Variants in EPDR1 observed in about 807,000 individuals in gnomAD.
The protein encoded by EPDR1 is ependymin related 1.
A neutral mutation model predicts 23.7 loss-of-function variants in EPDR1; 27 were observed. The observed-to-expected ratio is 1.14, with a 90% CI of 0.84 to 1.57. The LOEUF is 1.57. Ranked by LOEUF, EPDR1 falls within the 40% of genes most tolerant of loss-of-function variation. The probability of loss-of-function intolerance (pLI) is 0.00; values close to 1 mark genes in which losing one functional copy is unlikely to be tolerated. For missense variants in EPDR1, 349 were observed against 290.4 expected (o/e 1.20, Z -1.47); for synonymous variants, 137 against 118.2 (o/e 1.16, Z -1.03).
At chr7:37,922,673 G>GGGT (rs1554372876) in intron 1 of EPDR1, among the ~76,000 whole-genome samples, 1 of 150,524 alleles carries the variant, frequency 6.6e-6, no homozygotes, top group Admixed American at 6.6e-5. Flanking sequence ...GCTAGGGGGG[G>GGGT]GTTCTGACGC....
intron 1 of EPDR1, among the ~76,000 whole-genome samples, chr7:37,941,848 T>C (rs1268663019): frequency 6.6e-6 from 1 of 152,172 alleles, no homozygotes; most frequent in African/African-American, 2.4e-5. Context: ...TACAGTCCTA[T>C]TGTGACCATG....
At chr7:37,925,410 G>A (rs988638192) in intron 1 of EPDR1, among the ~76,000 whole-genome samples, 2 of 152,192 alleles carry the variant, frequency 1.3e-5, no homozygotes, top group African/African-American at 2.4e-5. Flanking sequence ...AGTCGTACAT[G>A]TTCTATTAAG....
intron 1 of EPDR1, among the ~76,000 whole-genome samples, chr7:37,942,949 C>T (rs1440154606): frequency 2.0e-5 from 3 of 152,162 alleles, no homozygotes; most frequent in Non-Finnish European, 4.4e-5. Flanking sequence ...ATCCTTTGTC[C>T]CATATGGTGA....
intron 1 of EPDR1, among the ~76,000 whole-genome samples, chr7:37,943,259 G>A (rs1432370932): frequency 6.6e-6 from 1 of 152,226 alleles, no homozygotes; most frequent in East Asian, 1.9e-4. Flanking sequence ...GGGCGTTGGT[G>A]CCTCTCATCT....
intron 1 of EPDR1, among the ~76,000 whole-genome samples, chr7:37,944,253 AT>A (rs978798322): frequency 7.2e-4 from 109 of 152,172 alleles, no homozygotes; most frequent in Non-Finnish European, 1.6e-4. Flanking sequence ...ATCCTATTCC[AT>A]TTGCGTTTTG....
At chr7:37,939,649 T>C (rs1014548228) in intron 1 of EPDR1, among the ~76,000 whole-genome samples, 3 of 152,226 alleles carry the variant, frequency 2.0e-5, no homozygotes, top group Non-Finnish European at 4.4e-5. Context: ...AATCCATGCA[T>C]AGTTTTTTCA....
rs554711071 is a variant in EPDR1 at position 37,921,129 on chromosome 7, C to G, written c.190C>G (p.Arg64Gly). Residue 64 changes from arginine (R) to glycine (G), a missense_variant, in exon 1 of 3, where the codon CGC becomes GGC. Transcript: ENST00000199448. ...CCAGCAAAGTAGCGGGCGCAACAGC[C>G]GCGCCCTGCTCTCCTACGACGGGCT... ...MYQQSSGRNS[R>G]ALLSYDGLNQ... is the part of the protein sequence containing the mutation. 6.3e-6 allele frequency: 10 copies of G among 1,595,564 alleles called. No individual in the cohort carries two copies. In the East Asian group the frequency reaches 2.2e-4, roughly 36 times the overall value.
At position 37,921,001 on chromosome 7, in the gene EPDR1, G is replaced by A. The variant is rs1323057400; in HGVS notation, c.62G>A (p.Gly21Asp). 2.6e-6 allele frequency: 4 copies of A among 1,526,128 alleles called. No homozygotes were observed. Among genetic ancestry groups the A allele is most frequent in the Admixed American group, 4.2e-5 (2 of 48,152 alleles). 94.5% of individuals were successfully genotyped at this position (1,526,128 alleles called of 1,614,324 possible). The change falls in exon 1 of 3, where the codon GGC becomes GAC. Residue 21 changes from glycine to aspartate, a missense_variant. Coordinates refer to ENST00000199448, the MANE Select transcript of EPDR1 (RefSeq NM_017549.5). ...PGALGAWLLGGLWAWTLCGLC... is the reference protein window; with the variant it reads ...PGALGAWLLGDLWAWTLCGLC... ...GCCCTGGGTGCCTGGCTGCTGGGCG[G>A]CCTCTGGGCCTGGACCCTGTGCGGC...
intron 1 of EPDR1, chr7:37,921,416 C>CG: frequency 7.2e-7 from 1 of 1,391,422 alleles, no homozygotes; most frequent in Non-Finnish European, 9.3e-7. Flanking sequence ...GGCCTGCTGG[C>CG]GGGGGACTCA....
intron 1 of EPDR1, among the ~76,000 whole-genome samples, chr7:37,930,310 G>A (rs1200734507): frequency 6.6e-6 from 1 of 152,216 alleles, no homozygotes; most frequent in Admixed American, 6.5e-5. Flanking sequence ...AGTGGCAGAT[G>A]GGAAGCCGGT....
intron 1 of EPDR1, among the ~76,000 whole-genome samples, chr7:37,947,245 T>A (rs1050095024): frequency 6.6e-5 from 10 of 152,242 alleles, no homozygotes; most frequent in African/African-American, 2.4e-4. Flanking sequence ...TACCATTGTG[T>A]TACAGTTGCC....
intron 1 of EPDR1, among the ~76,000 whole-genome samples, chr7:37,923,671 A>AT (rs879813760): frequency 2.7e-4 from 40 of 148,034 alleles, no homozygotes; most frequent in East Asian, 7.9e-4. Flanking sequence ...CAAAGGTAGT[A>AT]TTTTTTTTTT....
At chr7:37,937,194 A>G (rs1228684059) in intron 1 of EPDR1, among the ~76,000 whole-genome samples, 1 of 152,208 alleles carries the variant, frequency 6.6e-6, no homozygotes, top group Non-Finnish European at 1.5e-5. Context: ...GGAACAACTG[A>G]GAAAAGATGA....
At chr7:37,948,552 T>G (rs970653241) in intron 1 of EPDR1, among the ~76,000 whole-genome samples, 2 of 152,056 alleles carry the variant, frequency 1.3e-5, no homozygotes, top group African/African-American at 4.8e-5. Flanking sequence ...CTCACTATGT[T>G]GCCCAGGCCG....
At position 37,950,445 on chromosome 7, in the gene EPDR1, C is replaced by G. The variant is rs754882357; in HGVS notation, c.*49C>G. The G allele has an allele frequency of 1.3e-6, 2 of 1,503,898 alleles. No homozygotes were observed. The highest frequency in any genetic ancestry group is 1.3e-5 in the South Asian group (1 of 78,224). 93.2% of individuals were successfully genotyped at this position (1,503,898 alleles called of 1,614,324 possible). The stretch of plus-strand genomic sequence containing the variant: ...CATCGGATGTCAGCCCCCTGCGGCC[C>G]CAGCTGGAGATGGATATGAGACTAG... On this transcript the variant is annotated 3_prime_UTR_variant, in exon 3 of 3. Coordinates refer to ENST00000199448, the MANE Select transcript of EPDR1 (RefSeq NM_017549.5).
chr7:37,921,179 C>T lies in EPDR1; in HGVS notation c.240C>T (p.Asp80=). Residue 80 remains aspartate, a synonymous_variant, in exon 1 of 3, where the codon GAC becomes GAT. Transcript: ENST00000199448. The stretch of plus-strand genomic sequence containing the variant: ...TCAACCAGCGCGTGCGGGTGCTGGA[C>T]GAGAGGAAGGCGCTGATCCCCTGCA... The part of the protein sequence containing the change: ...DGLNQRVRVL[D]ERKALIPCKR... 1 of 1,592,008 alleles carries T rather than the reference C, an allele frequency of 6.3e-7. No homozygotes were observed. Among genetic ancestry groups the T allele is most frequent in the Non-Finnish European group, 8.5e-7 (1 of 1,177,340 alleles).
intron 1 of EPDR1, among the ~76,000 whole-genome samples, chr7:37,932,588 G>T (rs957810603): frequency 6.6e-6 from 1 of 152,128 alleles, no homozygotes; most frequent in African/African-American, 2.4e-5. Flanking sequence ...AAGGGTTTGC[G>T]TGAGTTTATA....
At chr7:37,943,543 T>C (rs1786212479) in intron 1 of EPDR1, among the ~76,000 whole-genome samples, 1 of 152,222 alleles carries the variant, frequency 6.6e-6, no homozygotes, top group South Asian at 2.1e-4. Flanking sequence ...TAAAATGTTT[T>C]CTAAAATTTG....
At chr7:37,945,246 A>T (rs1304998064) in intron 1 of EPDR1, among the ~76,000 whole-genome samples, 1 of 152,228 alleles carries the variant, frequency 6.6e-6, no homozygotes, top group East Asian at 1.9e-4. Context: ...TAACAGTTTT[A>T]CGTTGACCCT....
Sources: gnomAD v4.1 joint callset for allele counts (sites outside exome capture counted in the v4.1 genomes callset) on GRCh38, gnomAD v4.1.1 for gene constraint, MANE v1.5 for transcripts, NCBI Gene and HGNC (gene_info 2026-07-23, HGNC 2026-07-21) for gene names.